The following SPATA3 variants were observed in gnomAD, a reference collection of about 807,000 sequenced individuals.
SPATA3 encodes spermatogenesis associated 3.
Under a neutral mutation model 5.7 loss-of-function variants are expected in SPATA3, and 6 were observed. That is an observed-to-expected ratio of 1.06 (90% confidence interval 0.58 to 2.09). SPATA3 has a LOEUF of 2.09. SPATA3 is among the 30% of genes most tolerant of loss of function. The pLI is 0.00. For missense variants in SPATA3, 155 were observed against 130.4 expected (o/e 1.19, Z -0.92); for synonymous variants, 44 against 48.4 (o/e 0.91, Z 0.37).
chr2:231,017,162 G>T (rs1692956413), intron 6 of SPATA3, among the ~76,000 whole-genome samples: 1 of 152,204 alleles, frequency 6.6e-6, no homozygotes, highest in Non-Finnish European at 1.5e-5. Context: ...CCCATTTACA[G>T]GGAGTGGGGA....
chr2:231,002,201 T>A (rs1380865208), intron 2 of SPATA3, among the ~76,000 whole-genome samples: 1 of 152,262 alleles, frequency 6.6e-6, no homozygotes, highest in African/African-American at 2.4e-5. Flanking sequence ...GTAGGATTTT[T>A]ATCAAAACGG....
chr2:231,000,526 C>A, exon 2 of SPATA3: 1 of 1,533,860 alleles, frequency 6.5e-7, no homozygotes, highest in South Asian at 1.2e-5. Context: ...CCAACCTGCT[C>A]ACCTTCTACA....
chr2:230,997,066 G>A (rs745819011), intron 1 of SPATA3, among the ~76,000 whole-genome samples: 7 of 152,168 alleles, frequency 4.6e-5, no homozygotes, highest in Non-Finnish European at 1.0e-4. Context: ...AGTGGAAGAT[G>A]TGAATAGACT....
In SPATA3 at chr2:231,000,262, G is replaced by C. The variant is rs1395874738; in HGVS notation, c.791-104G>C. ...CAGCGTTCGCCCTGGTAATCCTGCA[G>C]CTGCTGCCGTTGTGGGGGGCCTTCT... On this transcript the variant is annotated intron_variant, in intron 1 of 2. Transcript: ENST00000645363. 4 of 1,094,424 alleles carry C rather than the reference G, an allele frequency of 3.7e-6. No individual in the cohort carries two copies. In the East Asian group the frequency reaches 1.2e-4, roughly 32 times the overall value. The allele number at this position is 1,094,424 out of a possible 1,614,324, so 67.8% of individuals were successfully genotyped here.
chr2:231,013,415 C>T (rs148652184), intron 5 of SPATA3, among the ~76,000 whole-genome samples: 2 of 152,198 alleles, frequency 1.3e-5, no homozygotes, highest in African/African-American at 4.8e-5. Context: ...AGAAGTATTT[C>T]ATTGTGTGAA....
intron 1 of SPATA3, 150 bp downstream of exon 1, chr2:230,996,684 C>T (rs1692136753): frequency 9.1e-7 from 1 of 1,098,784 alleles, no homozygotes; most frequent in Admixed American, 2.9e-5. Context: ...GTTTTTGTTT[C>T]TACCCAAGAG....
intron 6 of SPATA3, among the ~76,000 whole-genome samples, chr2:231,015,227 G>T (rs995562335): frequency 6.9e-6 from 1 of 144,942 alleles, no homozygotes; most frequent in South Asian, 2.2e-4. Flanking sequence ...ATCAGCGCCC[G>T]CCACCACACC....
chr2:230,997,595 T>C (rs1341864247), intron 1 of SPATA3, among the ~76,000 whole-genome samples: 2 of 152,228 alleles, frequency 1.3e-5, no homozygotes, highest in African/African-American at 2.4e-5. Context: ...TTAGCAATCT[T>C]ACCCATGGAA....
At chr2:231,003,005 A>G (rs535879227), downstream of SPATA3, among the ~76,000 whole-genome samples, 3 of 152,086 alleles carry the variant, frequency 2.0e-5, no homozygotes, top group South Asian at 2.1e-4. Flanking sequence ...TATTACAATC[A>G]TCTAAACAGA....
downstream of SPATA3, among the ~76,000 whole-genome samples, chr2:231,011,072 C>CAAAAAAAAAAAAAAAAAAAAAAAA (rs556496371): frequency 2.5e-5 from 2 of 79,834 alleles, no homozygotes; most frequent in Non-Finnish European, 4.4e-5. Context: ...GACCCTGTCT[C>CAAAAAAAAAAAAAAAAAAAAAAAA]AAAAAAAAAA....
intron 1 of SPATA3, 41 bp downstream of exon 1, chr2:230,996,575 T>C (rs1692131462): frequency 6.5e-7 from 1 of 1,541,092 alleles, no homozygotes; most frequent in African/African-American, 1.4e-5. Context: ...GCCTTCCTGC[T>C]GATGGAGTTC....
chr2:231,016,520 AAAAAG>A (rs1276171434), intron 6 of SPATA3, among the ~76,000 whole-genome samples: 33 of 151,350 alleles, frequency 2.2e-4, no homozygotes, highest in African/African-American at 8.0e-4. Flanking sequence ...AAAAAAAAAA[AAAAAG>A]AAGAAGAAGG....
intron 6 of SPATA3, among the ~76,000 whole-genome samples, chr2:231,015,828 A>G (rs1416619758): frequency 6.6e-6 from 1 of 152,242 alleles, no homozygotes; most frequent in Admixed American, 6.5e-5. Context: ...CTTTCTGAAA[A>G]TGCAAATGTC....
intron 6 of SPATA3, among the ~76,000 whole-genome samples, chr2:231,016,696 TA>T (rs897524221): frequency 2.0e-5 from 3 of 151,562 alleles, no homozygotes; most frequent in African/African-American, 4.9e-5. Context: ...AAAAGGAAAA[TA>T]AAAAACAAAG....
chr2:231,000,280 G>T lies in SPATA3; in HGVS notation c.791-86G>T, dbSNP rs866226634. 33 of 1,220,750 alleles carry T rather than the reference G, an allele frequency of 2.7e-5. No individual in the cohort carries two copies. The Middle Eastern group carries it at 7.7e-4, about 28-fold the overall frequency. 75.6% of individuals were successfully genotyped at this position (1,220,750 alleles called of 1,614,324 possible). A position where few individuals can be genotyped will look rare whatever the true frequency, so the allele number is the denominator to read the frequency against. ...TCCTGCAGCTGCTGCCGTTGTGGGG[G>T]GCCTTCTCAGACTGTGTTCCAGACT... On this transcript the variant is annotated intron_variant, in intron 1 of 2. Transcript: ENST00000645363.
chr2:230,998,500 A>T (rs1187414741), intron 1 of SPATA3, among the ~76,000 whole-genome samples: 1 of 152,248 alleles, frequency 6.6e-6, no homozygotes, highest in Non-Finnish European at 1.5e-5. Context: ...AGGCAAAGCA[A>T]GAAAGCAAGA....
intron 5 of SPATA3, among the ~76,000 whole-genome samples, chr2:231,013,135 C>T (rs1340618857): frequency 6.6e-6 from 1 of 152,164 alleles, no homozygotes; most frequent in African/African-American, 2.4e-5. Flanking sequence ...CTTCTCCTCC[C>T]TGCTTCACCA....
intron 5 of SPATA3, among the ~76,000 whole-genome samples, chr2:231,013,278 T>C (rs1322465317): frequency 6.6e-6 from 1 of 152,206 alleles, no homozygotes; most frequent in Non-Finnish European, 1.5e-5. Flanking sequence ...TTGCATGTTC[T>C]AGAAACTAAC....
At chr2:231,013,996 G>A (rs10192422) in exon 6 of SPATA3, 65,062 of 151,574 alleles carry the variant, frequency 0.43, 14,922 homozygotes, top group African/African-American at 0.57. Context: ...CTATTGTCAG[G>A]GACATCTTAA....
Sources: allele counts gnomAD v4.1 joint callset (sites outside exome capture counted in the v4.1 genomes callset), GRCh38; gene constraint gnomAD v4.1.1; transcripts MANE v1.5; gene names NCBI Gene and HGNC (gene_info 2026-07-23, HGNC 2026-07-21).